LRRCC1: variants seen among roughly 807,000 people sequenced by gnomAD.
LRRCC1 encodes the protein leucine-rich repeat and coiled-coil domain-containing protein 1.
LRRCC1 carries 115 observed loss-of-function variants against 126.0 expected under a neutral mutation model. That is an observed-to-expected ratio of 0.91 (90% CI 0.78 to 1.07). The LOEUF (loss-of-function observed/expected upper bound fraction) is 1.07, where lower values mean the gene tolerates loss of function less well. Ranked by LOEUF, LRRCC1 falls within the 50% of genes least tolerant of loss-of-function variation. The pLI is 0.00. For missense variants in LRRCC1, 1,172 were observed against 1,175.7 expected, an observed-to-expected ratio of 1.00 and a Z score of 0.05; for synonymous variants, 400 against 393.4, an observed-to-expected ratio of 1.02 and a Z score of -0.20.
Position 85,124,781 on chromosome 8 carries a change from A to C in LRRCC1, c.1125-11A>C. 6.7e-7 allele frequency: 1 copy of C among 1,491,186 alleles called. No individual in the cohort carries two copies. Among genetic ancestry groups the C allele is most frequent in the Non-Finnish European group, 9.0e-7 (1 of 1,107,840 alleles). The allele number at this position is 1,491,186 out of a possible 1,614,324, so 92.4% of individuals were successfully genotyped here. A position where few individuals can be genotyped will look rare whatever the true frequency, so the allele number is the denominator to read the frequency against. On this transcript the variant is annotated splice_polypyrimidine_tract_variant and intron_variant, in intron 7 of 18. Transcript: ENST00000360375. Reference sequence around the variant, plus strand: ...TTTTTTGAGTTATTTTCTATGTTTCATTCTTTACAGTTGTAATCGTAAAAT... The same window carrying C: ...TTTTTTGAGTTATTTTCTATGTTTCCTTCTTTACAGTTGTAATCGTAAAAT...
chr8:85,124,815 C>A lies in LRRCC1; in HGVS notation c.1148C>A (p.Pro383His). The A allele has an allele frequency of 6.4e-7, 1 of 1,573,594 alleles. No individual in the cohort carries two copies. Among genetic ancestry groups the A allele is most frequent in the Non-Finnish European group, 8.6e-7 (1 of 1,157,452 alleles). Residue 383 changes from proline to histidine, a missense_variant, in exon 8 of 19, where the codon CCT becomes CAT. Physicochemically the swap from Pro to His is moderately conservative, Grantham distance 77. Transcript: ENST00000360375. ...AGTTGTAATCGTAAAATGAAACCAC[C>A]TTACCTTAAAGAATTATATGTAAGC... is the stretch of plus-strand genomic sequence containing the variant. ...FVSCNRKMKP[P>H]YLKELYVSSS... is the part of the protein sequence containing the mutation.
Position 85,135,922 on chromosome 8 carries a change from G to C in LRRCC1, c.2288G>C (p.Arg763Thr), listed in dbSNP as rs1563954896. The change falls in exon 14 of 19, where the codon AGG (arginine) becomes ACG (threonine). Residue 763 changes from arginine (R) to threonine (T), a missense_variant. Arg to Thr is a moderately conservative substitution (Grantham distance 71). Coordinates refer to ENST00000360375, the MANE Select transcript of LRRCC1 (RefSeq NM_033402.5). The part of the protein sequence containing the change: ...AAKESLIFGL[R>T]TERKVWGHEL... ...AAGGAATCACTAATATTTGGTTTAA[G>C]GACAGAAAGAAAAGTATGGGGACAT... 1 of 1,600,962 alleles carries C rather than the reference G, an allele frequency of 6.2e-7. No homozygotes were observed. Among genetic ancestry groups the C allele is most frequent in the Non-Finnish European group, 8.5e-7 (1 of 1,173,748 alleles).
intron 9 of LRRCC1, among the ~76,000 whole-genome samples, chr8:85,128,701 GTGGATTCAT>G (rs1810205225): frequency 6.6e-6 from 1 of 151,978 alleles, no homozygotes; most frequent in Admixed American, 6.6e-5. Flanking sequence ...ATGGCCTCAG[GTGGATTCAT>G]TCTTCTTCCT....
chr8:85,126,931 A>G lies in LRRCC1; in HGVS notation c.1421+94A>G, dbSNP rs532826113. The stretch of plus-strand genomic sequence containing the variant: ...CATTAGTTTCAGTGTGGTTCAATCA[A>G]CAACAATGTATGTGGTTTTAGTTTG... On this transcript the variant is annotated intron_variant, in intron 9 of 18. Coordinates refer to ENST00000360375, the MANE Select transcript of LRRCC1 (RefSeq NM_033402.5). 6.0e-5 allele frequency: 64 copies of G among 1,067,092 alleles called. No individual in the cohort carries two copies. In the South Asian group the frequency reaches 1.2e-3, roughly 20 times the overall value. 66.1% of individuals were successfully genotyped at this position (1,067,092 alleles called of 1,614,324 possible). A position where few individuals can be genotyped will look rare whatever the true frequency, so the allele number is the denominator to read the frequency against.
rs1459404842 is a variant in LRRCC1 at position 85,109,454 on chromosome 8, T to A, written c.105-141T>A. ...AGAAGCACCGTGTTTTGTGAGACATTTCAAAGGTACCACAAATAGGAAAGA... is the reference window on the plus strand; with the variant it reads ...AGAAGCACCGTGTTTTGTGAGACATATCAAAGGTACCACAAATAGGAAAGA... On this transcript the variant is annotated intron_variant, in intron 1 of 18. Coordinates refer to ENST00000360375, the MANE Select transcript of LRRCC1 (RefSeq NM_033402.5). 1.5e-5 allele frequency: 9 copies of A among 591,882 alleles called. No homozygotes were observed. The East Asian group carries it at 2.3e-4, about 15-fold the overall frequency. The allele number at this position is 591,882 out of a possible 1,614,324, so 36.7% of individuals were successfully genotyped here.
At chr8:85,137,430 T>A in intron 14 of LRRCC1, 34 bp from the exon 15 acceptor site, 1 of 1,473,452 alleles carries the variant, frequency 6.8e-7, no homozygotes, top group Non-Finnish European at 9.0e-7. Context: ...CCAAGGTGTT[T>A]CAAAGTATGT....
chr8:85,145,631 G>A lies in LRRCC1; in HGVS notation c.*120G>A. ...TGTCTCTTTCTATACATTTCATTAT[G>A]AATATATTTTTAAAGACTTTTGATC... On this transcript the variant is annotated 3_prime_UTR_variant, in exon 19 of 19. Transcript: ENST00000360375. 1.3e-6 allele frequency: 1 copy of A among 754,278 alleles called. No homozygotes were observed. Among genetic ancestry groups the A allele is most frequent in the Non-Finnish European group, 2.0e-6 (1 of 507,834 alleles). 46.7% of individuals were successfully genotyped at this position (754,278 alleles called of 1,614,324 possible).
intron 11 of LRRCC1, 127 bp downstream of exon 11, chr8:85,130,185 G>A (rs1810349684): frequency 1.6e-6 from 1 of 615,844 alleles, no homozygotes. Flanking sequence ...GTCCAGGCTG[G>A]AGTGCAATGG....
In LRRCC1 at chr8:85,115,589, C is replaced by T; in HGVS notation, c.930+5C>T. The T allele has an allele frequency of 6.5e-7, 1 of 1,533,892 alleles. No individual in the cohort carries two copies. Among genetic ancestry groups the T allele is most frequent in the Non-Finnish European group, 9.0e-7 (1 of 1,113,336 alleles). Reference sequence around the variant, plus strand: ...ATTCTACAACTTCTAAATGAAGTAACTATTTTTCCTACTTCTCTATAGACA... The same window carrying T: ...ATTCTACAACTTCTAAATGAAGTAATTATTTTTCCTACTTCTCTATAGACA... On this transcript the variant is annotated splice_donor_5th_base_variant and intron_variant, in intron 6 of 18. Transcript: ENST00000360375.
At chr8:85,107,455 C>G (rs908250756) in intron 1 of LRRCC1, 56 bp downstream of exon 1, 1 of 1,451,262 alleles carries the variant, frequency 6.9e-7, no homozygotes, top group Non-Finnish European at 9.4e-7. Flanking sequence ...GCCGGGGCCA[C>G]GAGTGGCTGG....
Position 85,129,189 on chromosome 8 carries a change from T to C in LRRCC1, c.1436T>C (p.Ile479Thr). The C allele has an allele frequency of 6.2e-7, 1 of 1,608,584 alleles. No homozygotes were observed. Among genetic ancestry groups the C allele is most frequent in the Non-Finnish European group, 8.5e-7 (1 of 1,177,740 alleles). ...TTCTGCTTTAGGCTAAAGGAAATTA[T>C]TTTTAGAGAGAGAAATTCCAAAGGA... ...LLTTDRLKEI[I>T]FRERNSKGQL... is the part of the protein sequence containing the mutation. Residue 479 changes from isoleucine to threonine, a missense_variant, in exon 10 of 19, where the codon ATT becomes ACT. Transcript: ENST00000360375.
intron 9 of LRRCC1, among the ~76,000 whole-genome samples, chr8:85,128,443 CAT>C (rs1461701252): frequency 7.2e-6 from 1 of 139,794 alleles, no homozygotes; most frequent in African/African-American, 2.7e-5. Context: ...CCCACCACCA[CAT>C]GTTTGTTTGA....
In LRRCC1 at chr8:85,138,422, AAAC is replaced by A. The variant is rs1245663271; in HGVS notation, c.2790_2792del (p.Asn930del). The A allele has an allele frequency of 1.2e-6, 2 of 1,613,050 alleles. No individual in the cohort carries two copies. Among genetic ancestry groups the A allele is most frequent in the South Asian group, 2.2e-5 (2 of 90,780 alleles). ...TAAAAGAAGTGAAAGAAAAATTTGAAAACAAGGAAAAGAAACTTAAAGCGGAAA... is the reference window on the plus strand; with the variant it reads ...TAAAAGAAGTGAAAGAAAAATTTGAAAAGGAAAAGAAACTTAAAGCGGAAA... On this transcript the variant is annotated inframe_deletion, in exon 17 of 19. Transcript: ENST00000360375.
In LRRCC1 at chr8:85,107,415, C is replaced by T. The variant is rs558438806; in HGVS notation, c.104+16C>T. On this transcript the variant is annotated intron_variant, in intron 1 of 18. Transcript: ENST00000360375. The stretch of plus-strand genomic sequence containing the variant: ...GCTTGCAGAGGTAAAGGGCGCTCCG[C>T]AGCCAGGAGCGACCCGCGCACTCCC... 2.5e-6 allele frequency: 4 copies of T among 1,592,226 alleles called. No homozygotes were observed. In the South Asian group the frequency reaches 4.5e-5, roughly 18 times the overall value.
intron 18 of LRRCC1, among the ~76,000 whole-genome samples, chr8:85,144,711 A>G (rs1339194990): frequency 6.9e-6 from 1 of 144,704 alleles, no homozygotes; most frequent in Non-Finnish European, 1.5e-5. Context: ...TGATCTGCCC[A>G]CTTCGGCCTC....
chr8:85,115,031 T>C, intron 4 of LRRCC1, 69 bp from the exon 5 acceptor site: 1 of 1,226,936 alleles, frequency 8.2e-7, no homozygotes, highest in Non-Finnish European at 1.1e-6. Flanking sequence ...CTGATAAATT[T>C]AGTTTATTCT....
intron 8 of LRRCC1, 152 bp downstream of exon 8, chr8:85,125,091 T>C (rs1563942176): frequency 5.4e-6 from 3 of 559,032 alleles, no homozygotes; most frequent in South Asian, 5.6e-5. Flanking sequence ...TTCCAGATTT[T>C]ATGTAATGTT....
At chr8:85,114,684 T>C (rs1808969002) in intron 4 of LRRCC1, among the ~76,000 whole-genome samples, 2 of 152,130 alleles carry the variant, frequency 1.3e-5, no homozygotes, top group African/African-American at 4.8e-5. Context: ...GCTAGGGAAA[T>C]TCTGGCATTT....
At chr8:85,134,566 C>G (rs1417232796) in intron 12 of LRRCC1, among the ~76,000 whole-genome samples, 2 of 152,166 alleles carry the variant, frequency 1.3e-5, no homozygotes, top group Non-Finnish European at 2.9e-5. Context: ...GTGATCTGCC[C>G]TCCTTGGCCT....
Sources: allele counts gnomAD v4.1 joint callset (sites outside exome capture counted in the v4.1 genomes callset), GRCh38; gene constraint gnomAD v4.1.1; transcripts MANE v1.5; gene names NCBI Gene and HGNC (gene_info 2026-07-23, HGNC 2026-07-21).